MRTFB: variants seen among roughly 807,000 people sequenced by gnomAD.
The protein encoded by MRTFB is myocardin related transcription factor B, also known as myocardin-related transcription factor B.
A neutral mutation model predicts 104.2 loss-of-function variants in MRTFB; 29 were observed. The ratio of observed to expected loss-of-function variants is 0.28; its 90% CI spans 0.21 to 0.38. The LOEUF (loss-of-function observed/expected upper bound fraction) is 0.38, where lower values mean the gene tolerates loss of function less well. MRTFB is among the 10% of genes least tolerant of loss of function. MRTFB has a pLI of 1.00. For synonymous variants in MRTFB, 535 were observed against 519.5 expected (o/e 1.03, Z -0.41); for missense variants, 1,270 against 1,341.6 (o/e 0.95, Z 0.83).
At chr16:14,234,850 A>AC (rs1055209480) in intron 9 of MRTFB, among the ~76,000 whole-genome samples, 1 of 152,158 alleles carries the variant, frequency 6.6e-6, no homozygotes, top group Non-Finnish European at 1.5e-5. Flanking sequence ...TGGTTCTGCC[A>AC]CCCAGGCCAC....
chr16:14,139,513 T>G (rs2037887632), intron 2 of MRTFB, among the ~76,000 whole-genome samples: 1 of 152,210 alleles, frequency 6.6e-6, no homozygotes, highest in Non-Finnish European at 1.5e-5. Flanking sequence ...TCTTAAAAAT[T>G]TAAACATAGA....
At chr16:14,036,142 A>G in the MRTFB span, among the ~76,000 whole-genome samples, 2 of 30,296 alleles carry the variant, frequency 6.6e-5, no homozygotes, top group African/African-American at 2.2e-4. Flanking sequence ...TATATATTAT[A>G]TATATAATAT....
chr16:14,117,724 T>A (rs894504476), intron 2 of MRTFB, among the ~76,000 whole-genome samples: 1 of 152,000 alleles, frequency 6.6e-6, no homozygotes, highest in Non-Finnish European at 1.5e-5. Context: ...GATAGGAAAG[T>A]GCACGGTTGG....
intron 8 of MRTFB, among the ~76,000 whole-genome samples, chr16:14,225,141 G>A (rs553128944): frequency 1.3e-3 from 200 of 152,210 alleles, no homozygotes; most frequent in African/African-American, 3.6e-3. Context: ...AGCCATGATC[G>A]CGCCATTGCA....
intron 3 of MRTFB, chr16:14,195,426 A>G (rs1048042178): frequency 1.5e-6 from 1 of 668,324 alleles, no homozygotes; most frequent in Non-Finnish European, 1.9e-6. Flanking sequence ...ATGTGTGTGT[A>G]TATATATACA....
At chr16:14,185,398 C>T (rs1037474559) in intron 3 of MRTFB, among the ~76,000 whole-genome samples, 1 of 152,140 alleles carries the variant, frequency 6.6e-6, no homozygotes, top group Non-Finnish European at 1.5e-5. Context: ...AAATGTAAGC[C>T]TTTATCCCAG....
intron 3 of MRTFB, among the ~76,000 whole-genome samples, chr16:14,180,200 C>T (rs184061351): frequency 6.6e-6 from 1 of 152,322 alleles, no homozygotes; most frequent in East Asian, 1.9e-4. Context: ...TTGTGTCACA[C>T]ACACACCTAA....
At chr16:14,259,016 T>A (rs185101883) in intron 16 of MRTFB, among the ~76,000 whole-genome samples, 2 of 152,350 alleles carry the variant, frequency 1.3e-5, no homozygotes, top group African/African-American at 4.8e-5. Context: ...TGGTCAGAAG[T>A]TCTCCATTTA....
At chr16:13,998,802 G>A in the MRTFB span, among the ~76,000 whole-genome samples, 1 of 138,750 alleles carries the variant, frequency 7.2e-6, no homozygotes, top group African/African-American at 2.7e-5. Context: ...AGCCTGGGAG[G>A]TTGAGGCTGC....
chr16:14,036,967 T>TC, the MRTFB span, among the ~76,000 whole-genome samples: 2 of 151,608 alleles, frequency 1.3e-5, no homozygotes, highest in Non-Finnish European at 2.9e-5. Flanking sequence ...CATCTCACTT[T>TC]TTTTTTTCTA....
At chr16:14,247,530 A>C in intron 12 of MRTFB, 23 bp downstream of exon 12, 1 of 1,525,560 alleles carries the variant, frequency 6.6e-7, no homozygotes, top group Non-Finnish European at 8.8e-7. Flanking sequence ...TCTTCTAACT[A>C]CTTTGCCTTA....
chr16:14,134,605 C>T (rs2037612145), intron 2 of MRTFB, among the ~76,000 whole-genome samples: 2 of 152,224 alleles, frequency 1.3e-5, no homozygotes, highest in Admixed American at 1.3e-4. Context: ...TCATTGGAAG[C>T]CCAGTGCCCA....
intron 3 of MRTFB, chr16:14,200,788 A>T: frequency 6.8e-7 from 1 of 1,468,586 alleles, no homozygotes. Flanking sequence ...CCTTCAGTGC[A>T]CGCTTCTCCT....
chr16:14,159,886 C>T (rs1165216523), intron 3 of MRTFB, among the ~76,000 whole-genome samples: 2 of 143,630 alleles, frequency 1.4e-5, no homozygotes, highest in Admixed American at 7.0e-5. Flanking sequence ...GCCGAGATCC[C>T]GCCACTGCAC....
intron 3 of MRTFB, among the ~76,000 whole-genome samples, chr16:14,178,072 T>A (rs904001448): frequency 6.6e-6 from 1 of 152,116 alleles, no homozygotes; most frequent in Non-Finnish European, 1.5e-5. Context: ...AATGAAAATA[T>A]CTTGGTATGC....
chr16:14,233,681 T>C (rs2042364143), intron 8 of MRTFB, among the ~76,000 whole-genome samples: 1 of 150,462 alleles, frequency 6.6e-6, no homozygotes, highest in Non-Finnish European at 1.5e-5. Flanking sequence ...TTCCAGATAC[T>C]TGGGAGGCCA....
intron 3 of MRTFB, among the ~76,000 whole-genome samples, chr16:14,167,909 G>A (rs770010308): frequency 3.3e-5 from 5 of 151,914 alleles, no homozygotes; most frequent in Admixed American, 6.6e-5. Flanking sequence ...GGATGGTCTC[G>A]ATCTCCTGAC....
At chr16:14,067,373 C>T (rs1055631057), upstream of MRTFB, among the ~76,000 whole-genome samples, 2 of 151,998 alleles carry the variant, frequency 1.3e-5, no homozygotes, top group African/African-American at 4.8e-5. Context: ...TAGGCATGCG[C>T]CACCACACCT....
intron 2 of MRTFB, among the ~76,000 whole-genome samples, chr16:14,134,694 C>T (rs778606700): frequency 6.6e-6 from 1 of 152,176 alleles, no homozygotes; most frequent in Non-Finnish European, 1.5e-5. Context: ...AACCTCGTGT[C>T]CCTCTTTCCC....
Sources: gnomAD v4.1 joint callset for allele counts (sites outside exome capture counted in the v4.1 genomes callset) on GRCh38, gnomAD v4.1.1 for gene constraint, MANE v1.5 for transcripts, NCBI Gene and HGNC (gene_info 2026-07-23, HGNC 2026-07-21) for gene names.